Variants in GLYATL1 observed in about 807,000 individuals in gnomAD.
GLYATL1 encodes the protein glycine-N-acyltransferase like 1.
Under a neutral mutation model 20.0 loss-of-function variants are expected in GLYATL1, and 15 were observed. That is an observed-to-expected ratio of 0.75 (90% CI 0.50 to 1.15). The LOEUF (loss-of-function observed/expected upper bound fraction) is 1.15. GLYATL1 is among the 50% of genes most tolerant of loss of function. The probability of loss-of-function intolerance (pLI) is 0.00; values close to 1 mark genes in which losing one functional copy is unlikely to be tolerated. For missense variants in GLYATL1, 380 were observed against 368.5 expected, an observed-to-expected ratio of 1.03 and a Z score of -0.26; for synonymous variants, 151 against 131.5, an observed-to-expected ratio of 1.15 and a Z score of -1.01.
At position 58,947,946 on chromosome 11, in the gene GLYATL1, T is replaced by A; in HGVS notation, c.167T>A (p.Ile56Asn). ...TCCTGGCCTGAATATCAGATGGTTA[T>A]TATCCGGCCTCAAAAGCAGGTAGGC... ...VDSWPEYQMV[I>N]IRPQKQEMTD... Residue 56 changes from isoleucine to asparagine, a missense_variant, in exon 4 of 7, where the codon ATT (isoleucine) becomes AAT (asparagine). Coordinates refer to ENST00000532726, the MANE Select transcript of GLYATL1 (RefSeq NM_001389712.2). The A allele has an allele frequency of 6.2e-7, 1 of 1,613,586 alleles. No individual in the cohort carries two copies. The highest frequency in any genetic ancestry group is 8.5e-7 in the Non-Finnish European group (1 of 1,179,568).
At position 58,953,539 on chromosome 11, in the gene GLYATL1, C is replaced by G. The variant is rs796099643; in HGVS notation, c.187-1231C>G. On this transcript the variant is annotated intron_variant, in intron 4 of 6. Coordinates refer to ENST00000532726, the MANE Select transcript of GLYATL1 (RefSeq NM_001389712.2). ...GCTTTATATATCCTTTGCACTATGT[C>G]TTGTTCTCCATTTCATTATTTATAG... 7.3e-5 allele frequency among the ~76,000 whole-genome samples: 11 copies of G among 151,718 alleles called. 1 individual carries two copies. Among genetic ancestry groups the G allele is most frequent in the African/African-American group, 2.2e-4 (9 of 41,426 alleles).
chr11:58,913,964 A>ATG (rs1229339490), intron 1 of GLYATL1, among the ~76,000 whole-genome samples: 1 of 152,206 alleles, frequency 6.6e-6, no homozygotes, highest in African/African-American at 2.4e-5. Flanking sequence ...TCTAAGGAAC[A>ATG]TGCCTGGGTT....
intron 2 of GLYATL1, 43 bp from the exon 3 acceptor site, chr11:58,947,003 A>G: frequency 7.0e-7 from 1 of 1,431,746 alleles, no homozygotes; most frequent in Non-Finnish European, 9.9e-7. Context: ...TTTTAAATTC[A>G]TTTGTTTCCT....
chr11:58,925,010 G>A (rs1484744750), upstream of GLYATL1, among the ~76,000 whole-genome samples: 2 of 152,200 alleles, frequency 1.3e-5, no homozygotes, highest in Admixed American at 6.5e-5. Context: ...TAATGTGTGA[G>A]GCCTGTGCTG....
intron 3 of GLYATL1, chr11:58,947,434 A>G (rs1856654621): frequency 1.9e-6 from 1 of 513,568 alleles, no homozygotes; most frequent in African/African-American, 1.9e-5. Flanking sequence ...CTGAATGGAT[A>G]TGCATTCCAA....
chr11:58,905,750 G>C, intron 1 of GLYATL1: 1 of 348,928 alleles, frequency 2.9e-6, no homozygotes, highest in Non-Finnish European at 5.7e-6. Flanking sequence ...GGGAGGGTGG[G>C]CGGGTGGGCG....
chr11:58,923,257 C>T (rs530481), upstream of GLYATL1, among the ~76,000 whole-genome samples: 71,155 of 152,066 alleles, frequency 0.47, 16,727 homozygotes, highest in East Asian at 0.58. Flanking sequence ...TGTAAACTTC[C>T]TTCCTTCTTT....
chr11:58,948,419 A>G (rs1306126916), intron 4 of GLYATL1, among the ~76,000 whole-genome samples: 1 of 152,162 alleles, frequency 6.6e-6, no homozygotes, highest in Admixed American at 6.5e-5. Flanking sequence ...CAGGAGGATC[A>G]CTTGAGTCCA....
chr11:58,945,212 G>A (rs923845353), intron 2 of GLYATL1, among the ~76,000 whole-genome samples: 18 of 151,930 alleles, frequency 1.2e-4, no homozygotes, highest in East Asian at 3.9e-4. Context: ...ATGGTTAAAC[G>A]GTTAGTTTTG....
At chr11:58,937,067 G>A (rs2135156450), upstream of GLYATL1, among the ~76,000 whole-genome samples, 1 of 152,294 alleles carries the variant, frequency 6.6e-6, no homozygotes, top group Non-Finnish European at 1.5e-5. Flanking sequence ...TTAAGTTGGT[G>A]CTGTCAGTCT....
chr11:58,910,755 T>C (rs987796745), downstream of GLYATL1, among the ~76,000 whole-genome samples: 5 of 152,202 alleles, frequency 3.3e-5, no homozygotes, highest in African/African-American at 1.2e-4. Flanking sequence ...CCATGCCCAA[T>C]TGATTGTCTT....
rs777806260 is a variant in GLYATL1, at chr11:58,955,170, T to TCCCAGG, written c.314-5_314dup. 2 of 1,611,922 alleles carry TCCCAGG rather than the reference T, an allele frequency of 1.2e-6. No homozygotes were observed. Among genetic ancestry groups the TCCCAGG allele is most frequent in the Non-Finnish European group, 1.7e-6 (2 of 1,179,056 alleles). Reference sequence around the variant, plus strand: ...GACAAGATTGCTTTCTTGGCTTTCTTCCCAGGTCTTCAAGAAAGTTTAGGT... The same window carrying TCCCAGG: ...GACAAGATTGCTTTCTTGGCTTTCTTCCCAGGCCCAGGTCTTCAAGAAAGTTTAGGT... On this transcript the variant is annotated splice_region_variant and splice_polypyrimidine_tract_variant and intron_variant, in intron 5 of 6. Transcript: ENST00000532726.
At position 58,955,346 on chromosome 11, in the gene GLYATL1, T is replaced by C. The variant is rs1565137213; in HGVS notation, c.484T>C (p.Phe162Leu). Residue 162 changes from phenylalanine to leucine, a missense_variant, in exon 6 of 7, where the codon TTT (phenylalanine) becomes CTT (leucine). Phe to Leu is a conservative substitution (Grantham distance 22, BLOSUM62 0). Transcript: ENST00000532726. ...TGAGACAGGCCACCCAGATGATGAATTTGAAAGGTACAAAAACATGTGCTG... is the reference window on the plus strand; with the variant it reads ...TGAGACAGGCCACCCAGATGATGAACTTGAAAGGTACAAAAACATGTGCTG... The part of the protein sequence containing the change: ...WAETGHPDDE[F>L]ESETPNFKYA... 1.2e-6 allele frequency: 2 copies of C among 1,612,486 alleles called. No individual in the cohort carries two copies. The highest frequency in any genetic ancestry group is 1.7e-5 in the Admixed American group (1 of 59,648).
At chr11:58,911,041 T>C (rs1368721538), downstream of GLYATL1, among the ~76,000 whole-genome samples, 4 of 152,202 alleles carry the variant, frequency 2.6e-5, no homozygotes, top group Non-Finnish European at 5.9e-5. Flanking sequence ...TAGTGTTGCC[T>C]TTTCCAGAAC....
chr11:58,907,223 C>G (rs183615231), intron 1 of GLYATL1: 40 of 456,240 alleles, frequency 8.8e-5, no homozygotes, highest in South Asian at 3.9e-4. Context: ...TTCTGTCTCT[C>G]TCTCTCTGCC....
At chr11:58,953,743 C>A (rs554029749) in intron 4 of GLYATL1, among the ~76,000 whole-genome samples, 23 of 152,294 alleles carry the variant, frequency 1.5e-4, no homozygotes, top group African/African-American at 5.5e-4. Context: ...CAGGAACTTG[C>A]ATTTATAAAA....
chr11:58,922,219 G>T (rs78375926), intron 1 of GLYATL1, among the ~76,000 whole-genome samples: 1 of 152,302 alleles, frequency 6.6e-6, no homozygotes, highest in Non-Finnish European at 1.5e-5. Flanking sequence ...ACTCTCTGGC[G>T]CTCCTCAGTG....
chr11:58,914,756 C>T (rs1023500843), intron 1 of GLYATL1, among the ~76,000 whole-genome samples: 34 of 152,158 alleles, frequency 2.2e-4, no homozygotes, highest in Non-Finnish European at 1.2e-4. Context: ...GAGGATGGCA[C>T]CAGTGGAAGT....
At position 58,915,563 on chromosome 11, in the gene GLYATL1, G is replaced by A. The variant is rs546984533; in HGVS notation, n.264+9902G>A. Among the ~76,000 whole-genome samples the A allele has an allele frequency of 5.9e-5, 9 of 151,796 alleles. No individual in the cohort carries two copies. In the South Asian group the frequency reaches 1.3e-3, roughly 21 times the overall value. ...GGAATTCTCAAAGCCTGGCCCCTGG[G>A]CCAGCAAGATCAACACAATCTGAAG... On this transcript the variant is annotated intron_variant and non_coding_transcript_variant, in intron 1 of 2. Transcript: ENST00000534674.
Sources: gnomAD v4.1 joint callset for allele counts (sites outside exome capture counted in the v4.1 genomes callset) on GRCh38, gnomAD v4.1.1 for gene constraint, MANE v1.5 for transcripts, NCBI Gene and HGNC (gene_info 2026-07-23, HGNC 2026-07-21) for gene names.